The following ACP1 variants were observed in gnomAD, a reference collection of about 807,000 sequenced individuals.
The protein encoded by ACP1 is low molecular weight phosphotyrosine protein phosphatase.
In ACP1, 23 loss-of-function variants were observed where a neutral mutation model predicts 23.4. That is an observed-to-expected ratio of 0.98 (90% confidence interval 0.71 to 1.39). The LOEUF is 1.39. Ranked by LOEUF, ACP1 falls within the 40% of genes most tolerant of loss-of-function variation. ACP1 has a pLI of 0.00. For synonymous variants in ACP1, 72 were observed against 67.2 expected, an observed-to-expected ratio of 1.07 and a Z score of -0.35; for missense variants, 180 against 197.7, an observed-to-expected ratio of 0.91 and a Z score of 0.54.
chr2:271,720 AC>A lies in ACP1; in HGVS notation c.44-145del, dbSNP rs1198312775. The A allele has an allele frequency of 7.0e-6, 5 of 711,128 alleles. No homozygotes were observed. The East Asian group carries it at 1.2e-4, about 18-fold the overall frequency. The allele number at this position is 711,128 out of a possible 1,614,324, so 44.1% of individuals were successfully genotyped here. ...AGCAGGGTCTACCCTCACTGGTTGG[AC>A]AAAGGCGTCAAAGGATAGTGTTGGC... On this transcript the variant is annotated intron_variant, in intron 1 of 5. Coordinates refer to ENST00000272065, the MANE Select transcript of ACP1 (RefSeq NM_004300.4).
chr2:265,110 G>T lies in ACP1; in HGVS notation c.43+103G>T, dbSNP rs567962732. ...GCCGGCCTAGGAACCATGAGGGGGAGGAGGCCAGGGACTGGGAGGCCTAGG... is the reference window on the plus strand; with the variant it reads ...GCCGGCCTAGGAACCATGAGGGGGATGAGGCCAGGGACTGGGAGGCCTAGG... On this transcript the variant is annotated intron_variant, in intron 1 of 5. Transcript: ENST00000272065. The T allele has an allele frequency of 3.5e-6, 5 of 1,442,236 alleles. No homozygotes were observed. In the East Asian group the frequency reaches 9.5e-5, roughly 27 times the overall value. 89.3% of individuals were successfully genotyped at this position (1,442,236 alleles called of 1,614,324 possible).
chr2:267,747 G>A (rs973184762), intron 1 of ACP1, among the ~76,000 whole-genome samples: 1 of 152,144 alleles, frequency 6.6e-6, no homozygotes, highest in Admixed American at 6.5e-5. Flanking sequence ...TATATACACT[G>A]GTCCTTTAGG....
At chr2:265,556 A>G (rs180960019) in intron 1 of ACP1, among the ~76,000 whole-genome samples, 96 of 151,482 alleles carry the variant, frequency 6.3e-4, no homozygotes, top group African/African-American at 2.2e-3. Context: ...AGTGTATTTT[A>G]TTAATGGCTT....
intron 3 of ACP1, chr2:273,172 G>C (rs757433818): frequency 2.6e-5 from 4 of 152,844 alleles, no homozygotes; most frequent in African/African-American, 4.8e-5. Context: ...GAGGGAAACA[G>C]AGGAGAGAGA....
In ACP1 at chr2:277,532, C is replaced by CT; in HGVS notation, c.*230dup. On this transcript the variant is annotated 3_prime_UTR_variant, in exon 6 of 6. Transcript: ENST00000272065. ...CAGCTTATGGGGTATTTTAAGCATT[C>CT]TTAGACTAGTTGAACATCTCACTTT... 1.8e-6 allele frequency: 1 copy of CT among 556,456 alleles called. No homozygotes were observed. Among genetic ancestry groups the CT allele is most frequent in the Non-Finnish European group, 3.2e-6 (1 of 310,334 alleles). The allele number at this position is 556,456 out of a possible 1,614,324, so 34.5% of individuals were successfully genotyped here.
intron 3 of ACP1, 42 bp from the exon 4 acceptor site, chr2:275,098 A>G: frequency 9.4e-7 from 1 of 1,065,038 alleles, no homozygotes; most frequent in South Asian, 2.0e-5. Flanking sequence ...TCTAGGCTTG[A>G]ATGGTATAAA....
At chr2:271,116 C>T (rs1376017784) in intron 1 of ACP1, among the ~76,000 whole-genome samples, 5 of 152,056 alleles carry the variant, frequency 3.3e-5, no homozygotes, top group African/African-American at 9.7e-5. Flanking sequence ...TGTGATCGCT[C>T]AGTAAATGTT....
intron 1 of ACP1, chr2:265,419 G>T (rs1466816846): frequency 5.9e-6 from 1 of 168,928 alleles, no homozygotes; most frequent in African/African-American, 2.4e-5. Flanking sequence ...AGTTTCCTTA[G>T]CCCATGCTTA....
intron 1 of ACP1, among the ~76,000 whole-genome samples, chr2:268,503 G>C (rs1225820394): frequency 6.6e-6 from 1 of 152,216 alleles, no homozygotes; most frequent in African/African-American, 2.4e-5. Context: ...CCATGACCCA[G>C]CCAGCATGGT....
At chr2:274,982 C>A in intron 3 of ACP1, 158 bp from the exon 4 acceptor site, 1 of 400,618 alleles carries the variant, frequency 2.5e-6, no homozygotes, top group Non-Finnish European at 4.5e-6. Context: ...AATAGGTTAA[C>A]TCTATTTTAA....
intron 1 of ACP1, among the ~76,000 whole-genome samples, chr2:265,665 GATCT>G (rs1351803418): frequency 6.6e-6 from 1 of 152,168 alleles, no homozygotes; most frequent in Non-Finnish European, 1.5e-5. Flanking sequence ...GGTCTTCAGG[GATCT>G]TCCTTTGGTG....
At chr2:269,356 T>C (rs1209374525) in intron 1 of ACP1, 16 of 470,842 alleles carry the variant, frequency 3.4e-5, no homozygotes, top group Non-Finnish European at 7.0e-5. Context: ...AAGTACGTAA[T>C]ATGCTTAGGT....
chr2:272,454 T>C (rs892393434), intron 3 of ACP1: 5 of 1,441,446 alleles, frequency 3.5e-6, no homozygotes, highest in Middle Eastern at 2.6e-4. Context: ...TCACTTCTGG[T>C]TGCACGGTGT....
At chr2:271,662 A>T (rs538856938) in intron 1 of ACP1, among the ~76,000 whole-genome samples, 5 of 152,172 alleles carry the variant, frequency 3.3e-5, no homozygotes, top group Non-Finnish European at 7.3e-5. Context: ...TTGGTGTCAA[A>T]TCACTGAACT....
chr2:274,530 A>G (rs1670121999), intron 3 of ACP1: 1 of 152,278 alleles, frequency 6.6e-6, no homozygotes, highest in Non-Finnish European at 1.5e-5. Flanking sequence ...TGGATAGTCA[A>G]TCAAAATAAA....
chr2:265,021 G>C lies in ACP1; in HGVS notation c.43+14G>C, dbSNP rs374297884. 1.2e-5 allele frequency: 19 copies of C among 1,612,316 alleles called. No individual in the cohort carries two copies. The African/African-American group carries it at 2.4e-4, about 20-fold the overall frequency. Reference sequence around the variant, plus strand: ...TTGTGTGTCTGGGTAAGAGGGCGCCGACTTACTCATGTTCTGACGTCCTCT... The same window carrying C: ...TTGTGTGTCTGGGTAAGAGGGCGCCCACTTACTCATGTTCTGACGTCCTCT... On this transcript the variant is annotated intron_variant, in intron 1 of 5. Coordinates refer to ENST00000272065, the MANE Select transcript of ACP1 (RefSeq NM_004300.4).
At chr2:269,470 T>A (rs1354883527) in intron 1 of ACP1, 1 of 401,168 alleles carries the variant, frequency 2.5e-6, no homozygotes, top group Non-Finnish European at 5.1e-6. Context: ...ATTGTATTTG[T>A]TTATCATAAA....
At chr2:265,292 G>A (rs1669830578) in intron 1 of ACP1, 1 of 412,016 alleles carries the variant, frequency 2.4e-6, no homozygotes. Context: ...CTTTCTTTGC[G>A]ACTACTAGAA....
intron 1 of ACP1, 91 bp from the exon 2 acceptor site, chr2:271,775 C>A (rs1436021186): frequency 3.1e-6 from 3 of 980,626 alleles, no homozygotes; most frequent in African/African-American, 1.6e-5. Context: ...ATAGCACAGC[C>A]CCCGTGTGTC....
Sources: gnomAD v4.1 joint callset for allele counts (sites outside exome capture counted in the v4.1 genomes callset) on GRCh38, gnomAD v4.1.1 for gene constraint, MANE v1.5 for transcripts, NCBI Gene and HGNC (gene_info 2026-07-23, HGNC 2026-07-21) for gene names.